Variants in MIDEAS observed in about 807,000 individuals in gnomAD.
MIDEAS encodes mitotic deacetylase-associated SANT domain protein.
In MIDEAS, 26 loss-of-function variants were observed where a neutral mutation model predicts 102.7. The ratio of observed to expected loss-of-function variants is 0.25; its 90% confidence interval spans 0.19 to 0.35. MIDEAS has a LOEUF of 0.35. MIDEAS is among the 10% of genes least tolerant of loss of function. The probability of loss-of-function intolerance (pLI) is 1.00; values close to 1 mark genes in which losing one functional copy is unlikely to be tolerated. For synonymous variants in MIDEAS, 585 were observed against 591.0 expected, an observed-to-expected ratio of 0.99 and a Z score of 0.15; for missense variants, 1,231 against 1,435.6, an observed-to-expected ratio of 0.86 and a Z score of 2.30.
chr14:73,739,163 C>A lies in MIDEAS; in HGVS notation c.846G>T (p.Ser282=), dbSNP rs776371633. The A allele has an allele frequency of 6.2e-7, 1 of 1,613,790 alleles. No homozygotes were observed. Among genetic ancestry groups the A allele is most frequent in the Admixed American group, 1.7e-5 (1 of 60,000 alleles). ...ENFYSMPQQP[S]QQPQDFGLQP... The stretch of plus-strand genomic sequence containing the variant: ...GCAGGCCAAAGTCCTGGGGTTGCTG[C>A]GAGGGTTGCTGCGGCATGGAATAGA... Residue 282 remains serine (S), a synonymous_variant, in exon 2 of 13, where the codon TCG becomes TCT. Transcript: ENST00000423556.
chr14:73,769,580 G>C (rs2140166415), intron 1 of MIDEAS, among the ~76,000 whole-genome samples: 1 of 149,016 alleles, frequency 6.7e-6, no homozygotes, highest in Admixed American at 6.8e-5. Context: ...GCATTGTGTT[G>C]CAAGAGGGTT....
chr14:73,774,502 C>T lies in MIDEAS; in HGVS notation c.-248+12600G>A, dbSNP rs141303423. Among the ~76,000 whole-genome samples, 155 of 151,982 alleles carry T rather than the reference C, an allele frequency of 1.0e-3. 1 individual carries two copies. Among genetic ancestry groups the T allele is most frequent in the African/African-American group, 2.3e-3 (94 of 41,510 alleles). Reference sequence around the variant, plus strand: ...AAAAGACAGTGCTGAGCATGAGAAACGAAAGGATCCTCTAATGGCAGCTGG... The same window carrying T: ...AAAAGACAGTGCTGAGCATGAGAAATGAAAGGATCCTCTAATGGCAGCTGG... On this transcript the variant is annotated intron_variant, in intron 1 of 11. Coordinates refer to the MIDEAS transcript ENST00000394071.
intron 1 of MIDEAS, among the ~76,000 whole-genome samples, chr14:73,770,353 TGATGATGAC>T (rs1488819616): frequency 2.4e-4 from 33 of 136,618 alleles, no homozygotes; most frequent in Non-Finnish European, 1.1e-4. Flanking sequence ...ACGGTGATGA[TGATGATGAC>T]GATGATGATG....
intron 1 of MIDEAS, among the ~76,000 whole-genome samples, chr14:73,771,355 C>A (rs915440778): frequency 6.6e-6 from 1 of 152,180 alleles, no homozygotes; most frequent in Non-Finnish European, 1.5e-5. Flanking sequence ...CTCCAACCTG[C>A]GAACTCAAGG....
chr14:73,753,763 G>C (rs2053450005), intron 1 of MIDEAS, among the ~76,000 whole-genome samples: 1 of 152,146 alleles, frequency 6.6e-6, no homozygotes, highest in Non-Finnish European at 1.5e-5. Context: ...AGAGCTTCCG[G>C]CCTACAGACC....
intron 10 of MIDEAS, 123 bp downstream of exon 10, chr14:73,722,575 G>A (rs2053009368): frequency 3.3e-6 from 4 of 1,199,080 alleles, no homozygotes; most frequent in African/African-American, 1.5e-5. Context: ...GGCTGTCAGG[G>A]ACACTGTCTT....
At chr14:73,757,448 T>C (rs1481752736) in intron 1 of MIDEAS, among the ~76,000 whole-genome samples, 1 of 152,120 alleles carries the variant, frequency 6.6e-6, no homozygotes, top group Non-Finnish European at 1.5e-5. Flanking sequence ...GAACTCTAAC[T>C]CAGAGTCTTT....
chr14:73,735,154 G>GGAAAAAA (rs770466206), intron 3 of MIDEAS, among the ~76,000 whole-genome samples: 1 of 152,094 alleles, frequency 6.6e-6, no homozygotes, highest in Non-Finnish European at 1.5e-5. Context: ...ATTTCAGTTA[G>GGAAAAAA]GAAAAAAGAA....
At chr14:73,719,101 C>T (rs1178621457) in intron 12 of MIDEAS, 93 bp from the exon 13 acceptor site, 8 of 1,454,646 alleles carry the variant, frequency 5.5e-6, no homozygotes, top group South Asian at 4.3e-5. Flanking sequence ...CACCTTCACC[C>T]CCACGCTGCA....
Position 73,739,216 on chromosome 14 carries a change from G to A in MIDEAS, c.793C>T (p.Leu265=). ...TTCTCAAAGAGCGGCATCTGGGGTA[G>A]GGCTGCCTGCTGCTGCTGCTGCTGC... ...QQQQQQQQAA[L]PQMPLFENFY... is the part of the protein sequence containing the mutation. Residue 265 remains leucine, a synonymous_variant, in exon 2 of 13, where the codon CTA becomes TTA. Transcript: ENST00000423556. 1.2e-6 allele frequency: 2 copies of A among 1,613,622 alleles called. No homozygotes were observed. The highest frequency in any genetic ancestry group is 2.2e-5 in the East Asian group (1 of 44,876).
At chr14:73,775,162 G>A (rs371864432) in intron 1 of MIDEAS, among the ~76,000 whole-genome samples, 28 of 151,968 alleles carry the variant, frequency 1.8e-4, no homozygotes, top group Non-Finnish European at 3.5e-4. Flanking sequence ...GCGTCCAGGA[G>A]CAGCAAGAGG....
At position 73,717,703 on chromosome 14, in the gene MIDEAS, TGA is replaced by T. The variant is rs1227752857; in HGVS notation, c.*1138_*1139del. ...TGAAAAGCAGGAGGCCCCTGGTCCC[TGA>T]GAGGATGTTAAAAATTAAATACTAA... is the stretch of plus-strand genomic sequence containing the variant. On this transcript the variant is annotated 3_prime_UTR_variant, in exon 13 of 13. Coordinates refer to ENST00000423556, the MANE Select transcript of MIDEAS (RefSeq NM_001367710.1). The T allele has an allele frequency of 3.3e-5, 5 of 152,608 alleles. No homozygotes were observed. Among genetic ancestry groups the T allele is most frequent in the Non-Finnish European group, 5.9e-5 (4 of 68,032 alleles). The allele number at this position is 152,608 out of a possible 1,614,324, so 9.5% of individuals were successfully genotyped here.
chr14:73,727,137 C>T (rs1247465671), intron 5 of MIDEAS, 165 bp from the exon 6 acceptor site: 2 of 871,300 alleles, frequency 2.3e-6, no homozygotes, highest in Non-Finnish European at 1.7e-6. Flanking sequence ...CCTGACCTGG[C>T]ACCACCAGAA....
intron 1 of MIDEAS, among the ~76,000 whole-genome samples, chr14:73,775,152 G>A (rs1233774370): frequency 1.3e-5 from 2 of 151,970 alleles, no homozygotes; most frequent in South Asian, 2.1e-4. Context: ...CGAGAGAAGT[G>A]CGTCCAGGAG....
Position 73,747,854 on chromosome 14 carries a change from G to A in MIDEAS, c.-247-7599C>T, listed in dbSNP as rs532534223. On this transcript the variant is annotated intron_variant, in intron 1 of 12. Coordinates refer to ENST00000423556, the MANE Select transcript of MIDEAS (RefSeq NM_001367710.1). The stretch of plus-strand genomic sequence containing the variant: ...TCCCCATTCCCCAAAGGCACTACCT[G>A]TCAGAGTGCTATGGCCTGCCCAGGA... 2.6e-5 allele frequency among the ~76,000 whole-genome samples: 4 copies of A among 152,262 alleles called. No individual in the cohort carries two copies. In the South Asian group the frequency reaches 8.3e-4, roughly 32 times the overall value.
At chr14:73,734,109 C>T (rs1027249199) in intron 3 of MIDEAS, among the ~76,000 whole-genome samples, 1 of 149,284 alleles carries the variant, frequency 6.7e-6, no homozygotes, top group South Asian at 2.1e-4. Context: ...CTCAGCCTCC[C>T]AAGTAGCTGG....
rs1191043799 is a variant in MIDEAS, at chr14:73,718,117, A to T, written c.*726T>A. ...TCCGTACAGCTCCCTTCCCTGCAGC[A>T]GGATGAGTGCTTTGGACAAGAACGC... On this transcript the variant is annotated 3_prime_UTR_variant, in exon 13 of 13. Coordinates refer to ENST00000423556, the MANE Select transcript of MIDEAS (RefSeq NM_001367710.1). 1.4e-4 allele frequency: 22 copies of T among 152,570 alleles called. No homozygotes were observed. The highest frequency in any genetic ancestry group is 1.4e-3 in the Admixed American group (22 of 15,296). 9.5% of individuals were successfully genotyped at this position (152,570 alleles called of 1,614,324 possible).
intron 1 of MIDEAS, among the ~76,000 whole-genome samples, chr14:73,771,159 T>A (rs1262267875): frequency 6.6e-6 from 1 of 152,116 alleles, no homozygotes; most frequent in Admixed American, 6.6e-5. Context: ...TACTCTCCAT[T>A]TTCTCTCTGA....
At chr14:73,730,766 C>T (rs980366003) in intron 3 of MIDEAS, among the ~76,000 whole-genome samples, 6 of 152,066 alleles carry the variant, frequency 3.9e-5, no homozygotes, top group African/African-American at 7.2e-5. Flanking sequence ...CGAGACCAGC[C>T]TGGCCAACAT....
Sources: gnomAD v4.1 joint callset for allele counts (sites outside exome capture counted in the v4.1 genomes callset) on GRCh38, gnomAD v4.1.1 for gene constraint, MANE v1.5 for transcripts, NCBI Gene and HGNC (gene_info 2026-07-23, HGNC 2026-07-21) for gene names.